Variants in GNB5 observed in about 807,000 individuals in gnomAD.
GNB5 encodes the protein guanine nucleotide-binding protein subunit beta-5.
GNB5 carries 37 observed loss-of-function variants against 55.3 expected under a neutral mutation model. The observed-to-expected ratio is 0.67, with a 90% CI of 0.51 to 0.88. The LOEUF (loss-of-function observed/expected upper bound fraction) is 0.88. Among genes scored for constraint, GNB5 ranks in the 40% least tolerant of loss-of-function variants. The pLI is 0.00. For synonymous variants in GNB5, 219 were observed against 198.5 expected, an observed-to-expected ratio of 1.10 and a Z score of -0.87; for missense variants, 476 against 515.3, an observed-to-expected ratio of 0.92 and a Z score of 0.74.
chr15:52,136,086 C>T (rs1303455433), intron 7 of GNB5, among the ~76,000 whole-genome samples: 3 of 145,690 alleles, frequency 2.1e-5, no homozygotes, highest in Non-Finnish European at 3.0e-5. Flanking sequence ...CACACACACA[C>T]ACACACACAC....
chr15:52,173,698 C>G (rs1364424214), intron 3 of GNB5, among the ~76,000 whole-genome samples: 6 of 152,198 alleles, frequency 3.9e-5, no homozygotes, highest in Non-Finnish European at 7.3e-5. Context: ...GACAGCTGTC[C>G]TGGGAGCTTG....
chr15:52,139,972 G>C, intron 7 of GNB5: 7 of 1,266,254 alleles, frequency 5.5e-6, no homozygotes, highest in Non-Finnish European at 5.1e-6. Context: ...GTTTGCCTCA[G>C]GCCCAAAGAC....
intron 1 of GNB5, among the ~76,000 whole-genome samples, chr15:52,188,399 C>T (rs1297307133): frequency 6.6e-6 from 1 of 152,158 alleles, no homozygotes; most frequent in Non-Finnish European, 1.5e-5. Context: ...ATAATCCCAC[C>T]ACTCAGAGAA....
At chr15:52,177,627 G>C (rs918555601) in intron 3 of GNB5, among the ~76,000 whole-genome samples, 2 of 151,020 alleles carry the variant, frequency 1.3e-5, no homozygotes, top group African/African-American at 4.9e-5. Flanking sequence ...CTCCAGCCTG[G>C]GTGACAGAGG....
intron 3 of GNB5, among the ~76,000 whole-genome samples, chr15:52,166,017 AC>A (rs2034444073): frequency 6.6e-6 from 1 of 152,216 alleles, no homozygotes; most frequent in Non-Finnish European, 1.5e-5. Flanking sequence ...CAAATGGAAA[AC>A]AGAAAAAAGC....
rs1218293895 is a variant in GNB5 at position 52,190,683 on chromosome 15, G to A, written c.-19+639C>T. On this transcript the variant is annotated intron_variant, in intron 1 of 12. Coordinates refer to ENST00000261837, the MANE Select transcript of GNB5 (RefSeq NM_016194.4). ...TCGGTATAACCACTGTAGAAAACTG[G>A]TTGGTAGGAGCTACTAAAGTGAAAC... is the stretch of plus-strand genomic sequence containing the variant. 1.2e-4 allele frequency among the ~76,000 whole-genome samples: 18 copies of A among 150,118 alleles called. No homozygotes were observed. In the Admixed American group the frequency reaches 1.2e-3, roughly 10 times the overall value.
chr15:52,121,553 G>A lies in GNB5; in HGVS notation c.*1204C>T, dbSNP rs1176241420. On this transcript the variant is annotated 3_prime_UTR_variant, in exon 13 of 13. Coordinates refer to ENST00000261837, the MANE Select transcript of GNB5 (RefSeq NM_016194.4). ...AAGAGGAGCAGACGTTATTATTCATGACTATCAATCAATCTGCATATGTAA... is the reference window on the plus strand; with the variant it reads ...AAGAGGAGCAGACGTTATTATTCATAACTATCAATCAATCTGCATATGTAA... 2 of 151,852 alleles carry A rather than the reference G, an allele frequency of 1.3e-5. No individual in the cohort carries two copies. Among genetic ancestry groups the A allele is most frequent in the Non-Finnish European group, 2.9e-5 (2 of 67,992 alleles). 9.4% of individuals were successfully genotyped at this position (151,852 alleles called of 1,614,324 possible).
chr15:52,151,302 G>A (rs1384703795), intron 4 of GNB5, among the ~76,000 whole-genome samples: 1 of 152,090 alleles, frequency 6.6e-6, no homozygotes, highest in African/African-American at 2.4e-5. Context: ...CCACGTTAGG[G>A]GCTTCTTCCA....
intron 5 of GNB5, among the ~76,000 whole-genome samples, chr15:52,148,841 A>G (rs140405503): frequency 1.7e-4 from 26 of 152,352 alleles, no homozygotes; most frequent in African/African-American, 6.3e-4. Context: ...CTCTCAGCAC[A>G]GGGTATCCCA....
chr15:52,183,839 G>A (rs534824257), intron 2 of GNB5, among the ~76,000 whole-genome samples: 1 of 152,284 alleles, frequency 6.6e-6, no homozygotes, highest in Non-Finnish European at 1.5e-5. Context: ...TGATGCTGTG[G>A]GCATTTTTGC....
chr15:52,172,591 G>T (rs2034574488), intron 3 of GNB5, among the ~76,000 whole-genome samples: 1 of 151,990 alleles, frequency 6.6e-6, no homozygotes, highest in Non-Finnish European at 1.5e-5. Context: ...ACCAGCCTGG[G>T]CGACATGGAG....
At chr15:52,188,210 C>T (rs973003996) in intron 1 of GNB5, among the ~76,000 whole-genome samples, 2 of 152,120 alleles carry the variant, frequency 1.3e-5, no homozygotes, top group Non-Finnish European at 2.9e-5. Flanking sequence ...AACGGAGACT[C>T]CAATTTTTGA....
chr15:52,177,059 G>T (rs1294016510), intron 3 of GNB5, among the ~76,000 whole-genome samples: 1 of 127,360 alleles, frequency 7.9e-6, no homozygotes, highest in East Asian at 2.1e-4. Flanking sequence ...TTTTGAGACG[G>T]AGTCTCGCTC....
intron 9 of GNB5, among the ~76,000 whole-genome samples, chr15:52,129,798 A>AT (rs536265366): frequency 1.6e-3 from 237 of 152,316 alleles, no homozygotes; most frequent in Admixed American, 3.9e-3. Context: ...TGCTACTGGA[A>AT]TTCAGTGGCT....
intron 3 of GNB5, among the ~76,000 whole-genome samples, chr15:52,171,044 T>C (rs2034545922): frequency 7.1e-6 from 1 of 140,518 alleles, no homozygotes; most frequent in Non-Finnish European, 1.5e-5. Context: ...CAGTGAGCCA[T>C]GATCACGCTA....
chr15:52,141,789 C>G (rs78644645), intron 6 of GNB5, among the ~76,000 whole-genome samples: 1 of 152,174 alleles, frequency 6.6e-6, no homozygotes, highest in African/African-American at 2.4e-5. Context: ...AGAACATTCT[C>G]CTGTCTATCT....
At chr15:52,134,024 T>A (rs1191230319) in intron 8 of GNB5, among the ~76,000 whole-genome samples, 1 of 152,224 alleles carries the variant, frequency 6.6e-6, no homozygotes, top group Non-Finnish European at 1.5e-5. Flanking sequence ...GGGCTGGGAA[T>A]CTGCAAACCA....
In GNB5 at chr15:52,147,445, T is replaced by C. The variant is rs1244656980; in HGVS notation, c.494+14A>G. Reference sequence around the variant, plus strand: ...TAACACAAATTCTGAAAAGCTGCTGTAGCTCCAACTTACCCACAAGCAATG... The same window carrying C: ...TAACACAAATTCTGAAAAGCTGCTGCAGCTCCAACTTACCCACAAGCAATG... On this transcript the variant is annotated intron_variant, in intron 6 of 12. Coordinates refer to ENST00000261837, the MANE Select transcript of GNB5 (RefSeq NM_016194.4). 1 of 1,482,682 alleles carries C rather than the reference T, an allele frequency of 6.7e-7. No homozygotes were observed. Among genetic ancestry groups the C allele is most frequent in the Non-Finnish European group, 9.4e-7 (1 of 1,060,038 alleles). 91.8% of individuals were successfully genotyped at this position (1,482,682 alleles called of 1,614,324 possible).
At chr15:52,161,733 G>A (rs2034338975) in intron 3 of GNB5, among the ~76,000 whole-genome samples, 1 of 152,236 alleles carries the variant, frequency 6.6e-6, no homozygotes, top group African/African-American at 2.4e-5. Flanking sequence ...AGCCAGAAGA[G>A]ACCTGAATGA....
Sources: allele counts gnomAD v4.1 joint callset (sites outside exome capture counted in the v4.1 genomes callset), GRCh38; gene constraint gnomAD v4.1.1; transcripts MANE v1.5; gene names NCBI Gene and HGNC (gene_info 2026-07-23, HGNC 2026-07-21).